The following KPNB1 variants were observed in gnomAD, a reference collection of about 807,000 sequenced individuals.
The protein encoded by KPNB1 is karyopherin subunit beta 1.
A neutral mutation model predicts 113.0 loss-of-function variants in KPNB1; 7 were observed. The ratio of observed to expected loss-of-function variants is 0.06; its 90% confidence interval spans 0.04 to 0.12. The LOEUF is 0.12. Among genes scored for constraint, KPNB1 ranks in the 10% least tolerant of loss-of-function variants. The pLI, the probability that KPNB1 is intolerant of heterozygous loss-of-function variation, is 1.00. For synonymous variants in KPNB1, 363 were observed against 378.6 expected (o/e 0.96, Z 0.48); for missense variants, 400 against 1,054.8 (o/e 0.38, Z 8.60).
At chr17:47,664,480 T>C (rs1027304714) in intron 8 of KPNB1, among the ~76,000 whole-genome samples, 1 of 152,130 alleles carries the variant, frequency 6.6e-6, no homozygotes, top group East Asian at 1.9e-4. Context: ...CAGGCATGAT[T>C]GATCGTAAAT....
Position 47,649,938 on chromosome 17 carries a change from C to T in KPNB1, c.-307C>T, listed in dbSNP as rs890672754. On this transcript the variant is annotated 5_prime_UTR_variant, in exon 1 of 22. Coordinates refer to ENST00000290158, the MANE Select transcript of KPNB1 (RefSeq NM_002265.6). The stretch of plus-strand genomic sequence containing the variant: ...CTCGCTCCCTCCCTGCGCGCCGCCT[C>T]TCACTCACAGCCTCCCTTCCTTCTT... 102 of 1,293,210 alleles carry T rather than the reference C, an allele frequency of 7.9e-5. No homozygotes were observed. Among genetic ancestry groups the T allele is most frequent in the South Asian group, 1.1e-4 (5 of 43,884 alleles). The allele number at this position is 1,293,210 out of a possible 1,614,324, so 80.1% of individuals were successfully genotyped here. A position where few individuals can be genotyped will look rare whatever the true frequency, so the allele number is the denominator to read the frequency against.
At position 47,680,038 on chromosome 17, in the gene KPNB1, A is replaced by G; in HGVS notation, c.2372A>G (p.Gln791Arg). The G allele has an allele frequency of 6.2e-7, 1 of 1,613,176 alleles. No individual in the cohort carries two copies. The highest frequency in any genetic ancestry group is 1.1e-5 in the South Asian group (1 of 91,080). The change falls in exon 20 of 22, where the codon CAA becomes CGA. Residue 791 changes from glutamine to arginine, a missense_variant. This residue lies in a region of KPNB1 where 115 missense variants were observed against 427.9 expected (regional missense o/e 0.27). Transcript: ENST00000290158. The part of the protein sequence containing the change: ...ENVHPDVMLV[Q>R]PRVEFILSFI... ...TTTATAGCGGATGTGATGCTGGTACAACCCAGAGTAGAATTTATTCTGTCT... is the reference window on the plus strand; with the variant it reads ...TTTATAGCGGATGTGATGCTGGTACGACCCAGAGTAGAATTTATTCTGTCT...
rs769238328 is a variant in KPNB1 at position 47,652,858 on chromosome 17, A to T, written c.264A>T (p.Arg88=). Residue 88 remains arginine, a synonymous_variant, in exon 3 of 22, where the codon CGA becomes CGT. Transcript: ENST00000290158. ...QRWLAIDANA[R]REVKNYVLQT... is the part of the protein sequence containing the mutation. ...GGCTTGCTATTGATGCTAATGCTCG[A>T]CGAGAAGTCAAGAACTATGTGAGTA... 1 of 1,597,300 alleles carries T rather than the reference A, an allele frequency of 6.3e-7. No individual in the cohort carries two copies. Among genetic ancestry groups the T allele is most frequent in the Non-Finnish European group, 8.5e-7 (1 of 1,174,008 alleles).
chr17:47,665,286 A>T, intron 9 of KPNB1, 128 bp downstream of exon 9: 1 of 717,236 alleles, frequency 1.4e-6, no homozygotes, highest in Non-Finnish European at 2.4e-6. Flanking sequence ...ATGACTTAGA[A>T]ACAGCTAAGC....
intron 8 of KPNB1, 25 bp from the exon 9 acceptor site, chr17:47,665,032 T>C (rs1228506642): frequency 2.5e-6 from 4 of 1,603,966 alleles, no homozygotes; most frequent in African/African-American, 2.7e-5. Flanking sequence ...TGCTTTTGTC[T>C]AGAATTTGCT....
Position 47,664,793 on chromosome 17 carries a change from C to G in KPNB1, c.898-264C>G, listed in dbSNP as rs1378016902. 2.0e-5 allele frequency among the ~76,000 whole-genome samples: 3 copies of G among 152,106 alleles called. No individual in the cohort carries two copies. The East Asian group carries it at 5.8e-4, about 29-fold the overall frequency. On this transcript the variant is annotated intron_variant, in intron 8 of 21. Coordinates refer to ENST00000290158, the MANE Select transcript of KPNB1 (RefSeq NM_002265.6). ...TGAGTGTGTGTTGATCCAAGGAACA[C>G]TGAAATATCAGGTTGTCCATATGAA...
Position 47,660,946 on chromosome 17 carries a change from T to C in KPNB1, c.637-173T>C, listed in dbSNP as rs111578920. On this transcript the variant is annotated intron_variant, in intron 5 of 21. Coordinates refer to ENST00000290158, the MANE Select transcript of KPNB1 (RefSeq NM_002265.6). ...TAGCAGACACCGAAGGTAAACTCTT[T>C]ATAGCCTTTATAGTGCTGTACCATC... Among the ~76,000 whole-genome samples the C allele has an allele frequency of 1.6e-3, 241 of 152,318 alleles. 1 individual carries two copies. The highest frequency in any genetic ancestry group is 5.5e-3 in the African/African-American group (230 of 41,570).
intron 17 of KPNB1, 139 bp downstream of exon 17, chr17:47,677,266 C>T (rs2030640733): frequency 9.3e-6 from 6 of 645,890 alleles, no homozygotes; most frequent in Admixed American, 2.7e-5. Flanking sequence ...GCCAGGAGTT[C>T]GAGACCAACC....
intron 10 of KPNB1, 152 bp from the exon 11 acceptor site, chr17:47,669,526 A>G (rs1286013755): frequency 2.0e-5 from 11 of 552,954 alleles, no homozygotes; most frequent in Non-Finnish European, 3.6e-5. Context: ...AAATATTTTG[A>G]AAGATGTTTC....
At chr17:47,656,182 C>A (rs1453588214) in intron 3 of KPNB1, among the ~76,000 whole-genome samples, 2 of 152,070 alleles carry the variant, frequency 1.3e-5, no homozygotes, top group Non-Finnish European at 2.9e-5. Context: ...TCGCTTGAAC[C>A]CAGAAGGCGG....
In KPNB1 at chr17:47,684,945, T is replaced by C. The variant is rs2030898795; in HGVS notation, c.*2541T>C. The C allele has an allele frequency of 6.6e-6, 1 of 152,252 alleles. No homozygotes were observed. 9.4% of individuals were successfully genotyped at this position (152,252 alleles called of 1,614,324 possible). ...TGGGTGCAAAATGCATTCTGTTCAC[T>C]CACTGTCTGGGCCTTCCCCACCCTA... On this transcript the variant is annotated 3_prime_UTR_variant, in exon 22 of 22. Transcript: ENST00000290158.
At chr17:47,675,358 GTTGTT>G (rs1467229745) in intron 15 of KPNB1, among the ~76,000 whole-genome samples, 1 of 88,812 alleles carries the variant, frequency 1.1e-5, no homozygotes, top group African/African-American at 4.3e-5. Context: ...TGGCAGAGGT[GTTGTT>G]TTTTTTTTGT....
chr17:47,681,116 C>G (rs1264149800), intron 21 of KPNB1, among the ~76,000 whole-genome samples: 1 of 151,866 alleles, frequency 6.6e-6, no homozygotes, highest in Non-Finnish European at 1.5e-5. Context: ...GTCGCCCAGG[C>G]TGGAGTGCAA....
rs1001586689 is a variant in KPNB1 at position 47,682,641 on chromosome 17, G to A, written c.*237G>A. 7.6e-6 allele frequency: 4 copies of A among 525,682 alleles called. No homozygotes were observed. The highest frequency in any genetic ancestry group is 5.9e-5 in the African/African-American group (3 of 51,174). The allele number at this position is 525,682 out of a possible 1,614,324, so 32.6% of individuals were successfully genotyped here. A position where few individuals can be genotyped will look rare whatever the true frequency, so the allele number is the denominator to read the frequency against. On this transcript the variant is annotated 3_prime_UTR_variant, in exon 22 of 22. Transcript: ENST00000290158. ...GACTTCGTAGAAAACCATAACATCG[G>A]CCATCTTGGAAAAGAGAAAAACAAT...
rs1196157499 is a variant in KPNB1 at position 47,683,759 on chromosome 17, C to A, written c.*1355C>A. The A allele has an allele frequency of 6.6e-6, 1 of 152,296 alleles. No individual in the cohort carries two copies. Among genetic ancestry groups the A allele is most frequent in the Non-Finnish European group, 1.5e-5 (1 of 67,990 alleles). 9.4% of individuals were successfully genotyped at this position (152,296 alleles called of 1,614,324 possible). A position where few individuals can be genotyped will look rare whatever the true frequency, so the allele number is the denominator to read the frequency against. Reference sequence around the variant, plus strand: ...TGTGTGTTGTGTGAATACACACACACACTAACTAGAAGTCTTGTGATGAAA... The same window carrying A: ...TGTGTGTTGTGTGAATACACACACAAACTAACTAGAAGTCTTGTGATGAAA... On this transcript the variant is annotated 3_prime_UTR_variant, in exon 22 of 22. Coordinates refer to ENST00000290158, the MANE Select transcript of KPNB1 (RefSeq NM_002265.6).
At chr17:47,663,605 A>G (rs2030174386) in intron 7 of KPNB1, among the ~76,000 whole-genome samples, 1 of 152,144 alleles carries the variant, frequency 6.6e-6, no homozygotes, top group African/African-American at 2.4e-5. Context: ...CGGAGGGTGC[A>G]GTGAGCCAAG....
In KPNB1 at chr17:47,661,006, C is replaced by T. The variant is rs2143113285; in HGVS notation, c.637-113C>T. ...AGTGGCTTGATTGTACCAGGCAGGG[C>T]TGTGTGGGGCCCTGAGGGGGAGTGA... is the stretch of plus-strand genomic sequence containing the variant. On this transcript the variant is annotated intron_variant, in intron 5 of 21. Coordinates refer to ENST00000290158, the MANE Select transcript of KPNB1 (RefSeq NM_002265.6). 5.2e-6 allele frequency: 4 copies of T among 764,896 alleles called. No homozygotes were observed. The South Asian group carries it at 5.8e-5, about 11-fold the overall frequency. 47.4% of individuals were successfully genotyped at this position (764,896 alleles called of 1,614,324 possible). A position where few individuals can be genotyped will look rare whatever the true frequency, so the allele number is the denominator to read the frequency against.
chr17:47,677,472 CAA>C lies in KPNB1; in HGVS notation c.2103+368_2103+369del, dbSNP rs746941632. On this transcript the variant is annotated intron_variant, in intron 17 of 21. Coordinates refer to ENST00000290158, the MANE Select transcript of KPNB1 (RefSeq NM_002265.6). ...GGGCAAGAAGAGCCAAACTCCGTCTCAAAAAAAAAAAAAAAAAAAAAAAATCA... is the reference window on the plus strand; with the variant it reads ...GGGCAAGAAGAGCCAAACTCCGTCTCAAAAAAAAAAAAAAAAAAAAAATCA... Among the ~76,000 whole-genome samples the C allele has an allele frequency of 1.2e-3, 64 of 53,258 alleles. No individual in the cohort carries two copies. In the East Asian group the frequency reaches 0.015, roughly 13 times the overall value. 34.9% of individuals were successfully genotyped at this position (53,258 alleles called of 152,430 possible). A position where few individuals can be genotyped will look rare whatever the true frequency, so the allele number is the denominator to read the frequency against.
intron 12 of KPNB1, among the ~76,000 whole-genome samples, chr17:47,672,667 C>T (rs2030485262): frequency 1.3e-5 from 2 of 152,140 alleles, no homozygotes; most frequent in Non-Finnish European, 2.9e-5. Context: ...GGATTATAGG[C>T]ATGAGCCATC....
Sources: allele counts gnomAD v4.1 joint callset (sites outside exome capture counted in the v4.1 genomes callset), GRCh38; gene constraint gnomAD v4.1.1; regional missense constraint gnomAD v4.1.1; transcripts MANE v1.5; gene names NCBI Gene and HGNC (gene_info 2026-07-23, HGNC 2026-07-21).